The following MACROD2 variants were observed in gnomAD, a reference collection of about 807,000 sequenced individuals.
MACROD2 encodes the protein mono-ADP ribosylhydrolase 2, also known as ADP-ribose glycohydrolase MACROD2.
Under a neutral mutation model 70.4 loss-of-function variants are expected in MACROD2, and 36 were observed. The ratio of observed to expected loss-of-function variants is 0.51; its 90% CI spans 0.39 to 0.68. The LOEUF is 0.68. Ranked by LOEUF, MACROD2 falls within the 30% of genes least tolerant of loss-of-function variation. The pLI is 0.00. For synonymous variants in MACROD2, 172 were observed against 178.8 expected, an observed-to-expected ratio of 0.96 and a Z score of 0.30; for missense variants, 496 against 538.4, an observed-to-expected ratio of 0.92 and a Z score of 0.78.
intron 7 of MACROD2, among the ~76,000 whole-genome samples, chr20:15,432,644 A>G (rs1600403792): frequency 1.3e-5 from 2 of 152,238 alleles, no homozygotes; most frequent in East Asian, 3.9e-4. Flanking sequence ...TGTAGAGTCA[A>G]ACCAAACTTC....
chr20:14,588,362 T>A (rs1296622140), intron 4 of MACROD2, among the ~76,000 whole-genome samples: 1 of 152,242 alleles, frequency 6.6e-6, no homozygotes, highest in Non-Finnish European at 1.5e-5. Flanking sequence ...TCTAATGACA[T>A]CTGGTTAAGT....
intron 15 of MACROD2, among the ~76,000 whole-genome samples, chr20:16,036,168 C>G (rs900686010): frequency 3.9e-5 from 6 of 151,928 alleles, no homozygotes; most frequent in African/African-American, 7.2e-5. Context: ...GAGCTCTGTA[C>G]CTATCATGTC....
Position 15,979,617 on chromosome 20 carries a change from A to T in MACROD2, c.986-7110A>T, listed in dbSNP as rs530108754. On this transcript the variant is annotated intron_variant, in intron 13 of 17. Coordinates refer to ENST00000684519, the MANE Select transcript of MACROD2 (RefSeq NM_001351661.2). ...CAACCCTAGCTCTAGAATGTTTTTT[A>T]AAAAATTCCATAGTTAAGTATCCTC... Among the ~76,000 whole-genome samples, 14 of 152,220 alleles carry T rather than the reference A, an allele frequency of 9.2e-5. No homozygotes were observed. The South Asian group carries it at 1.9e-3, about 20-fold the overall frequency.
chr20:15,385,724 A>G (rs1473870940), intron 6 of MACROD2, among the ~76,000 whole-genome samples: 1 of 152,176 alleles, frequency 6.6e-6, no homozygotes, highest in Non-Finnish European at 1.5e-5. Flanking sequence ...CTTTCCATTA[A>G]AGAGAAATCC....
chr20:15,355,093 C>T (rs1353028711), intron 6 of MACROD2, among the ~76,000 whole-genome samples: 4 of 152,118 alleles, frequency 2.6e-5, no homozygotes, highest in Non-Finnish European at 5.9e-5. Context: ...TGATCTAATG[C>T]CAACTGGAGT....
intron 8 of MACROD2, among the ~76,000 whole-genome samples, chr20:15,835,599 A>G (rs537948305): frequency 2.5e-3 from 388 of 152,228 alleles, no homozygotes; most frequent in African/African-American, 8.9e-3. Flanking sequence ...ACTAACAATA[A>G]TTATTAATAT....
chr20:15,698,329 A>G (rs1486193301), intron 8 of MACROD2, among the ~76,000 whole-genome samples: 1 of 152,088 alleles, frequency 6.6e-6, no homozygotes, highest in Non-Finnish European at 1.5e-5. Context: ...TCCTTCATAT[A>G]TGATGGTTAG....
At chr20:15,736,440 A>G (rs2051021904) in intron 8 of MACROD2, among the ~76,000 whole-genome samples, 1 of 152,196 alleles carries the variant, frequency 6.6e-6, no homozygotes, top group African/African-American at 2.4e-5. Flanking sequence ...TCTGGATTCC[A>G]GATGTGTACA....
intron 5 of MACROD2, among the ~76,000 whole-genome samples, chr20:14,862,847 G>A (rs76572938): frequency 0.067 from 9,936 of 148,102 alleles, 436 homozygotes; most frequent in East Asian, 0.2. Context: ...CAGAAGTTGA[G>A]TTGGCATACC....
chr20:15,684,251 G>C (rs6043439), intron 8 of MACROD2, among the ~76,000 whole-genome samples: 136,571 of 152,254 alleles, frequency 0.9, 61,520 homozygotes, highest in East Asian at 1. Flanking sequence ...CCATTCCTCA[G>C]TATGTAAAGA....
chr20:14,887,924 C>T (rs2122495258), intron 5 of MACROD2, among the ~76,000 whole-genome samples: 1 of 150,692 alleles, frequency 6.6e-6, no homozygotes, highest in South Asian at 2.1e-4. Flanking sequence ...AAATGTGGCC[C>T]AAAGAGACTG....
chr20:14,817,301 T>C (rs763755063), intron 5 of MACROD2, among the ~76,000 whole-genome samples: 12 of 152,172 alleles, frequency 7.9e-5, no homozygotes, highest in Non-Finnish European at 1.6e-4. Context: ...GGGAGCCAGT[T>C]TTCTCATTAA....
chr20:15,403,731 A>G (rs2045961533), intron 6 of MACROD2, among the ~76,000 whole-genome samples: 1 of 152,110 alleles, frequency 6.6e-6, no homozygotes, highest in African/African-American at 2.4e-5. Flanking sequence ...CCTTTCATTC[A>G]TCTTCTTGCT....
At chr20:15,702,178 C>T (rs1568983258) in intron 8 of MACROD2, among the ~76,000 whole-genome samples, 1 of 152,200 alleles carries the variant, frequency 6.6e-6, no homozygotes, top group Non-Finnish European at 1.5e-5. Context: ...TAGGTATCTA[C>T]CCCGTAATGG....
chr20:14,728,727 C>G (rs1452610889), intron 5 of MACROD2, among the ~76,000 whole-genome samples: 1 of 152,040 alleles, frequency 6.6e-6, no homozygotes, highest in Non-Finnish European at 1.5e-5. Flanking sequence ...TGTAATACCA[C>G]AAGGAAGAAT....
intron 5 of MACROD2, among the ~76,000 whole-genome samples, chr20:14,915,380 A>C (rs890172140): frequency 4.6e-5 from 7 of 152,222 alleles, no homozygotes; most frequent in Admixed American, 2.6e-4. Context: ...TGTGGGAAGA[A>C]GTTCAAGGAA....
chr20:15,442,070 C>T (rs2046501639), intron 7 of MACROD2, among the ~76,000 whole-genome samples: 1 of 152,100 alleles, frequency 6.6e-6, no homozygotes, highest in African/African-American at 2.4e-5. Context: ...CTCATCTAGT[C>T]TTGAATGACA....
At chr20:14,976,400 C>G (rs1182620160) in intron 5 of MACROD2, among the ~76,000 whole-genome samples, 2 of 152,122 alleles carry the variant, frequency 1.3e-5, no homozygotes, top group African/African-American at 4.8e-5. Context: ...GCACATCACT[C>G]CAGCCTCTGC....
chr20:14,527,563 A>T (rs2085250098), intron 4 of MACROD2, among the ~76,000 whole-genome samples: 2 of 152,190 alleles, frequency 1.3e-5, no homozygotes, highest in Admixed American at 1.3e-4. Context: ...TGCATCAACG[A>T]ATTATACTGA....
Sources: allele counts gnomAD v4.1 joint callset (sites outside exome capture counted in the v4.1 genomes callset), GRCh38; gene constraint gnomAD v4.1.1; transcripts MANE v1.5; gene names NCBI Gene and HGNC (gene_info 2026-07-23, HGNC 2026-07-21).